Variants in ELAPOR2 observed in about 807,000 individuals in gnomAD.
The protein encoded by ELAPOR2 is endosome-lysosome associated apoptosis and autophagy regulator family member 2.
Under a neutral mutation model 120.7 loss-of-function variants are expected in ELAPOR2, and 89 were observed. The observed-to-expected ratio is 0.74, with a 90% CI of 0.62 to 0.88. ELAPOR2 has a LOEUF of 0.88. ELAPOR2 is among the 40% of genes least tolerant of loss of function. The pLI is 0.00. For missense variants in ELAPOR2, 1,134 were observed against 1,251.6 expected (o/e 0.91, Z 1.42); for synonymous variants, 444 against 444.9 (o/e 1.00, Z 0.03).
intron 1 of ELAPOR2, among the ~76,000 whole-genome samples, chr7:87,022,763 T>C: frequency 6.6e-6 from 1 of 150,760 alleles, no homozygotes; most frequent in African/African-American, 2.5e-5. Flanking sequence ...TTTTTAATGA[T>C]TGCCATTCTA....
chr7:87,045,673 G>C (rs956035694), intron 1 of ELAPOR2, among the ~76,000 whole-genome samples: 1 of 151,612 alleles, frequency 6.6e-6, no homozygotes, highest in Non-Finnish European at 1.5e-5. Flanking sequence ...ACGAGTTAGT[G>C]GGTGCAGCGC....
chr7:86,981,373 C>A (rs1445750897), intron 1 of ELAPOR2, among the ~76,000 whole-genome samples: 4 of 152,014 alleles, frequency 2.6e-5, no homozygotes, highest in Admixed American at 2.6e-4. Context: ...TATCATCTGT[C>A]ATCTACACTT....
chr7:86,961,736 G>A (rs188198857), intron 2 of ELAPOR2, among the ~76,000 whole-genome samples: 3 of 152,168 alleles, frequency 2.0e-5, no homozygotes, highest in African/African-American at 7.2e-5. Context: ...ACATCCCTTT[G>A]GTCTGAGATT....
chr7:87,031,780 T>C (rs779178881), intron 1 of ELAPOR2, among the ~76,000 whole-genome samples: 3 of 152,174 alleles, frequency 2.0e-5, no homozygotes, highest in Non-Finnish European at 4.4e-5. Flanking sequence ...ATTACAACTA[T>C]ATTATGTTAA....
chr7:87,058,681 G>A (rs570485377), intron 1 of ELAPOR2, among the ~76,000 whole-genome samples: 1 of 152,262 alleles, frequency 6.6e-6, no homozygotes, highest in South Asian at 2.1e-4. Flanking sequence ...CCCAAAAGAA[G>A]CATATTCACT....
intron 10 of ELAPOR2, among the ~76,000 whole-genome samples, chr7:86,921,815 A>G (rs1789845414): frequency 6.6e-6 from 1 of 152,094 alleles, no homozygotes. Context: ...GCAGGAGGAC[A>G]ATGGCGTCAA....
Position 87,036,425 on chromosome 7 carries a change from T to C in ELAPOR2, c.189+22900A>G, listed in dbSNP as rs953695566. Reference sequence around the variant, plus strand: ...CTGGAGCTCTGGGAGGTCAAAACTATGTGAGCTGTTATTGTACCACTGCAC... The same window carrying C: ...CTGGAGCTCTGGGAGGTCAAAACTACGTGAGCTGTTATTGTACCACTGCAC... On this transcript the variant is annotated intron_variant, in intron 1 of 21. Transcript: ENST00000450689. Among the ~76,000 whole-genome samples the C allele has an allele frequency of 2.6e-5, 4 of 152,256 alleles. No individual in the cohort carries two copies. In the East Asian group the frequency reaches 5.8e-4, roughly 22 times the overall value.
intron 1 of ELAPOR2, among the ~76,000 whole-genome samples, chr7:87,006,800 A>G (rs1314319131): frequency 1.3e-5 from 2 of 152,208 alleles, no homozygotes; most frequent in African/African-American, 4.8e-5. Flanking sequence ...AACTAGAAAC[A>G]ACCCAAATGT....
intron 8 of ELAPOR2, among the ~76,000 whole-genome samples, chr7:86,929,158 C>T (rs73196624): frequency 0.013 from 1,984 of 151,836 alleles, 19 homozygotes; most frequent in Middle Eastern, 0.058. Context: ...TTTTTAAAAA[C>T]ACACAGAGGT....
intron 1 of ELAPOR2, among the ~76,000 whole-genome samples, chr7:87,023,733 T>C (rs1327089939): frequency 2.0e-5 from 3 of 152,156 alleles, no homozygotes; most frequent in African/African-American, 7.2e-5. Flanking sequence ...TATCCTCTTT[T>C]ATTTCATTGA....
intron 1 of ELAPOR2, among the ~76,000 whole-genome samples, chr7:87,018,990 T>G (rs1793953708): frequency 1.3e-5 from 2 of 152,188 alleles, no homozygotes; most frequent in African/African-American, 4.8e-5. Flanking sequence ...GAAAAACATG[T>G]GAGCAAGGCA....
intron 1 of ELAPOR2, among the ~76,000 whole-genome samples, chr7:87,011,087 G>A (rs902703865): frequency 3.3e-5 from 5 of 151,854 alleles, no homozygotes; most frequent in African/African-American, 1.2e-4. Flanking sequence ...CCAACATGGT[G>A]AAACCCCGTC....
intron 1 of ELAPOR2, among the ~76,000 whole-genome samples, chr7:86,975,438 A>C (rs192756048): frequency 1.3e-5 from 2 of 152,352 alleles, no homozygotes; most frequent in East Asian, 3.9e-4. Flanking sequence ...AGATTTTTTA[A>C]AAAATAATAA....
chr7:86,889,320 T>C (rs1799841257), intron 21 of ELAPOR2, among the ~76,000 whole-genome samples: 1 of 152,002 alleles, frequency 6.6e-6, no homozygotes, highest in South Asian at 2.1e-4. Flanking sequence ...TAGTAACCAC[T>C]TGATTGAGTT....
chr7:86,887,644 G>A (rs989787626), intron 21 of ELAPOR2, among the ~76,000 whole-genome samples: 2 of 152,012 alleles, frequency 1.3e-5, no homozygotes, highest in Non-Finnish European at 2.9e-5. Flanking sequence ...TGAGAGTAGA[G>A]GTATTCAGCG....
chr7:86,951,595 G>C (rs1219156277), intron 2 of ELAPOR2, among the ~76,000 whole-genome samples: 3 of 152,150 alleles, frequency 2.0e-5, no homozygotes, highest in African/African-American at 7.2e-5. Flanking sequence ...CAGGTGCCAT[G>C]CTTGATACTT....
chr7:87,043,305 C>G (rs1232930319), intron 1 of ELAPOR2, among the ~76,000 whole-genome samples: 16 of 150,980 alleles, frequency 1.1e-4, no homozygotes. Flanking sequence ...AGAGACACAA[C>G]AAAAAAAGAG....
chr7:86,931,236 T>C (rs568602420), intron 8 of ELAPOR2, among the ~76,000 whole-genome samples: 1 of 151,768 alleles, frequency 6.6e-6, no homozygotes, highest in South Asian at 2.1e-4. Context: ...TATACACATA[T>C]ATATACACAC....
intron 8 of ELAPOR2, among the ~76,000 whole-genome samples, chr7:86,936,181 C>T (rs1232247004): frequency 2.0e-5 from 3 of 151,980 alleles, no homozygotes; most frequent in Admixed American, 2.0e-4. Flanking sequence ...AATCACCAGG[C>T]TATTCTCAGC....
Sources: gnomAD v4.1 joint callset for allele counts (sites outside exome capture counted in the v4.1 genomes callset) on GRCh38, gnomAD v4.1.1 for gene constraint, MANE v1.5 for transcripts, NCBI Gene and HGNC (gene_info 2026-07-23, HGNC 2026-07-21) for gene names.